The following PRKN variants were observed in gnomAD, a reference collection of about 807,000 sequenced individuals.
PRKN encodes E3 ubiquitin-protein ligase parkin.
PRKN carries 56 observed loss-of-function variants against 59.5 expected under a neutral mutation model. That is an observed-to-expected ratio of 0.94 (90% CI 0.76 to 1.18). PRKN has a LOEUF of 1.18. Among genes scored for constraint, PRKN ranks in the 50% most tolerant of loss-of-function variants. The pLI, the probability that PRKN is intolerant of heterozygous loss-of-function variation, is 0.00. For synonymous variants in PRKN, 250 were observed against 222.1 expected (o/e 1.13, Z -1.12); for missense variants, 657 against 596.4 (o/e 1.10, Z -1.06).
At chr6:161,496,905 T>C (rs1777772023) in intron 9 of PRKN, among the ~76,000 whole-genome samples, 1 of 152,200 alleles carries the variant, frequency 6.6e-6, no homozygotes, top group African/African-American at 2.4e-5. Context: ...TTCTTCCCCA[T>C]GGGTTTCAGA....
intron 9 of PRKN, among the ~76,000 whole-genome samples, chr6:161,432,355 ATTTTTTTTTTTTT>A (rs1188841520): frequency 1.1e-5 from 1 of 92,184 alleles, no homozygotes; most frequent in East Asian, 2.8e-4. Context: ...ACTTCCTCTG[ATTTTTTTTTTTTT>A]TTTTTTTTTT....
At chr6:162,404,176 C>A (rs1340698039) in intron 2 of PRKN, among the ~76,000 whole-genome samples, 2 of 151,748 alleles carry the variant, frequency 1.3e-5, no homozygotes, top group Non-Finnish European at 2.9e-5. Flanking sequence ...TCGAGACCAG[C>A]CTGACCAACC....
chr6:161,726,721 A>G (rs1260222324), intron 7 of PRKN, among the ~76,000 whole-genome samples: 1 of 152,222 alleles, frequency 6.6e-6, no homozygotes, highest in African/African-American at 2.4e-5. Flanking sequence ...AGATAATGAT[A>G]ATAAACATGG....
rs1790745179 is a variant in PRKN, at chr6:161,470,606, C to T, written c.1083+78248G>A. On this transcript the variant is annotated intron_variant, in intron 9 of 11. Transcript: ENST00000366898. The surrounding 1 kb of genome is among the most constrained non-coding windows in gnomAD (Gnocchi z 5.1). ...TTCCTGGAGCAAAGAGTCTGTGGAG[C>T]TAAAAAGCTGCACCCACAACAGCAC... is the stretch of plus-strand genomic sequence containing the variant. Among the ~76,000 whole-genome samples the T allele has an allele frequency of 6.6e-6, 1 of 152,180 alleles. No homozygotes were observed. Among genetic ancestry groups the T allele is most frequent in the Admixed American group, 6.5e-5 (1 of 15,274 alleles).
chr6:162,352,931 C>T (rs1263929358), intron 2 of PRKN, among the ~76,000 whole-genome samples: 4 of 152,086 alleles, frequency 2.6e-5, no homozygotes, highest in Non-Finnish European at 5.9e-5. Flanking sequence ...CTGAATGCAG[C>T]GTGCTTACTT....
intron 1 of PRKN, among the ~76,000 whole-genome samples, chr6:162,646,361 A>T (rs1778186491): frequency 6.6e-6 from 1 of 151,848 alleles, no homozygotes; most frequent in South Asian, 2.1e-4. Flanking sequence ...TGGCCTTGAC[A>T]CCCTGGGCTC....
At chr6:161,914,718 C>A (rs1778490592) in intron 6 of PRKN, among the ~76,000 whole-genome samples, 1 of 151,848 alleles carries the variant, frequency 6.6e-6, no homozygotes, top group Admixed American at 6.6e-5. Flanking sequence ...TCCCTCCTTT[C>A]TGGGTTGGAG....
intron 3 of PRKN, among the ~76,000 whole-genome samples, chr6:162,215,881 TAAA>T (rs1194080703): frequency 1.3e-5 from 2 of 151,864 alleles, no homozygotes; most frequent in African/African-American, 4.8e-5. Flanking sequence ...CCATCTCTAC[TAAA>T]AATACAAAAA....
chr6:161,892,259 AC>A (rs921412126), intron 6 of PRKN, among the ~76,000 whole-genome samples: 3 of 151,416 alleles, frequency 2.0e-5, no homozygotes, highest in Non-Finnish European at 4.4e-5. Flanking sequence ...ATGTGGTAAA[AC>A]CCTGCCTCTA....
intron 4 of PRKN, among the ~76,000 whole-genome samples, chr6:162,111,830 T>C (rs977539735): frequency 1.3e-5 from 2 of 152,222 alleles, no homozygotes; most frequent in Non-Finnish European, 2.9e-5. Context: ...TTCCACACTT[T>C]AGTTTGTTGC....
At chr6:161,364,644 TA>T (rs78620639) in intron 10 of PRKN, among the ~76,000 whole-genome samples, 122 of 146,400 alleles carry the variant, frequency 8.3e-4, no homozygotes, top group Middle Eastern at 3.6e-3. Context: ...ATTTGCTGGT[TA>T]AAAAAAAAAA....
chr6:162,710,374 A>AAC (rs138911423), intron 1 of PRKN, among the ~76,000 whole-genome samples: 10,073 of 125,054 alleles, frequency 0.081, 419 homozygotes, highest in South Asian at 0.13. Flanking sequence ...ACCCCCTACA[A>AAC]ACACACACAC....
rs1398036586 is a variant in PRKN at position 161,450,912 on chromosome 6, T to C, written c.1084-64035A>G. 2.6e-5 allele frequency among the ~76,000 whole-genome samples: 4 copies of C among 152,168 alleles called. No homozygotes were observed. In the East Asian group the frequency reaches 7.7e-4, roughly 29 times the overall value. On this transcript the variant is annotated intron_variant, in intron 9 of 11. Coordinates refer to ENST00000366898, the MANE Select transcript of PRKN (RefSeq NM_004562.3). ...ATAAATATCATACCATTAATGTAAATAGAAAACACTGAATTGTGTTACTTG... is the reference window on the plus strand; with the variant it reads ...ATAAATATCATACCATTAATGTAAACAGAAAACACTGAATTGTGTTACTTG...
chr6:161,792,012 C>A (rs1205873135), intron 6 of PRKN, among the ~76,000 whole-genome samples: 1 of 152,200 alleles, frequency 6.6e-6, no homozygotes, highest in Non-Finnish European at 1.5e-5. Context: ...TCAAGCAGTA[C>A]TATGGTGAAG....
At position 162,694,134 on chromosome 6, in the gene PRKN, CT is replaced by C. The variant is rs1374300562; in HGVS notation, c.7+33527del. Among the ~76,000 whole-genome samples, 10 of 147,364 alleles carry C rather than the reference CT, an allele frequency of 6.8e-5. No homozygotes were observed. In the East Asian group the frequency reaches 2.1e-3, roughly 31 times the overall value. On this transcript the variant is annotated intron_variant, in intron 1 of 11. Transcript: ENST00000366898. ...TGGTGGCGGGCACCTGTAGTCCCAG[CT>C]ATTCGGGAGGCTGAGGCAGGAGAAT... is the stretch of plus-strand genomic sequence containing the variant.
At position 161,498,006 on chromosome 6, in the gene PRKN, G is replaced by A. The variant is rs551142534; in HGVS notation, c.1083+50848C>T. ...AGAGGAAACCTTTGCTTCCATGAGG[G>A]GATATTTGTTCTTCAATAGATGGGT... On this transcript the variant is annotated intron_variant, in intron 9 of 11. Coordinates refer to ENST00000366898, the MANE Select transcript of PRKN (RefSeq NM_004562.3). This position sits in a 1 kb window ranked among gnomAD's most constrained non-coding sequence, Gnocchi z 4.2. Among the ~76,000 whole-genome samples the A allele has an allele frequency of 6.6e-6, 1 of 152,236 alleles. No individual in the cohort carries two copies. The highest frequency in any genetic ancestry group is 1.9e-4 in the East Asian group (1 of 5,180).
At chr6:162,230,365 A>T (rs1778370648) in intron 3 of PRKN, among the ~76,000 whole-genome samples, 3 of 152,218 alleles carry the variant, frequency 2.0e-5, no homozygotes, top group African/African-American at 7.2e-5. Flanking sequence ...CTCCTTGGCT[A>T]GAAGCAAGTG....
intron 7 of PRKN, among the ~76,000 whole-genome samples, chr6:161,756,502 G>A (rs758499313): frequency 4.4e-5 from 6 of 135,642 alleles, no homozygotes; most frequent in African/African-American, 8.3e-5. Flanking sequence ...TTTTATTGCT[G>A]TTTCCCAAAT....
intron 1 of PRKN, among the ~76,000 whole-genome samples, chr6:162,595,588 C>T (rs1781470212): frequency 6.6e-6 from 1 of 152,078 alleles, no homozygotes; most frequent in South Asian, 2.1e-4. Flanking sequence ...TTGGCTCTAA[C>T]AATTACAGTT....
Sources: gnomAD v4.1 joint callset for allele counts (sites outside exome capture counted in the v4.1 genomes callset) on GRCh38, gnomAD v4.1.1 for gene constraint, Gnocchi (gnomAD v3.1) non-coding constraint, MANE v1.5 for transcripts, NCBI Gene and HGNC (gene_info 2026-07-23, HGNC 2026-07-21) for gene names.